MROH9: variants seen among roughly 807,000 people sequenced by gnomAD.
MROH9 encodes maestro heat-like repeat-containing protein family member 9.
MROH9 carries 92 observed loss-of-function variants against 98.2 expected under a neutral mutation model. That is an observed-to-expected ratio of 0.94 (90% CI 0.79 to 1.11). The LOEUF (loss-of-function observed/expected upper bound fraction) is 1.11. MROH9 is among the 50% of genes most tolerant of loss of function. The pLI is 0.00. For synonymous variants in MROH9, 397 were observed against 368.9 expected (o/e 1.08, Z -0.87); for missense variants, 1,057 against 1,014.8 (o/e 1.04, Z -0.57).
chr1:170,981,901 A>G (rs1039012272), intron 8 of MROH9, among the ~76,000 whole-genome samples: 2 of 152,196 alleles, frequency 1.3e-5, no homozygotes, highest in African/African-American at 2.4e-5. Context: ...AGATACCACT[A>G]CACACTCATT....
intron 20 of MROH9, among the ~76,000 whole-genome samples, chr1:171,044,436 G>T (rs1334913364): frequency 1.3e-5 from 2 of 152,098 alleles, no homozygotes; most frequent in Admixed American, 1.3e-4. Context: ...CTTCTGATGT[G>T]TATTTGTCTG....
intron 9 of MROH9, among the ~76,000 whole-genome samples, chr1:170,986,105 A>C (rs1278869696): frequency 6.6e-6 from 1 of 152,154 alleles, no homozygotes; most frequent in Non-Finnish European, 1.5e-5. Context: ...TAGTTCTTGC[A>C]CCTTGATCAT....
intron 7 of MROH9, among the ~76,000 whole-genome samples, chr1:170,966,034 A>C (rs1650224011): frequency 6.6e-6 from 1 of 152,048 alleles, no homozygotes; most frequent in African/African-American, 2.4e-5. Flanking sequence ...TTTCTGCTTC[A>C]AACAATACAA....
intron 4 of MROH9, among the ~76,000 whole-genome samples, chr1:170,958,821 T>C (rs1432256396): frequency 6.6e-6 from 1 of 152,212 alleles, no homozygotes; most frequent in African/African-American, 2.4e-5. Flanking sequence ...TTATCATTGA[T>C]TACAGAAAAT....
chr1:170,949,247 C>T (rs1649456244), intron 3 of MROH9, among the ~76,000 whole-genome samples: 1 of 152,044 alleles, frequency 6.6e-6, no homozygotes, highest in Admixed American at 6.6e-5. Flanking sequence ...TAAAAGCTCT[C>T]AGCTGCCAAC....
chr1:171,035,568 A>G (rs1247676700), intron 20 of MROH9, among the ~76,000 whole-genome samples: 1 of 152,090 alleles, frequency 6.6e-6, no homozygotes, highest in Non-Finnish European at 1.5e-5. Flanking sequence ...ATATATAAAG[A>G]ATTCATGTAA....
At chr1:171,033,024 A>G (rs1393025592) in intron 20 of MROH9, among the ~76,000 whole-genome samples, 1 of 152,182 alleles carries the variant, frequency 6.6e-6, no homozygotes, top group Non-Finnish European at 1.5e-5. Flanking sequence ...AAGGATGGGT[A>G]AGAGTCAGGC....
intron 14 of MROH9, among the ~76,000 whole-genome samples, chr1:170,996,921 T>G (rs1187156503): frequency 2.0e-5 from 3 of 152,112 alleles, no homozygotes; most frequent in African/African-American, 7.2e-5. Flanking sequence ...TACAGAAAAC[T>G]AGAAGTGAGT....
At chr1:171,016,067 C>A in intron 16 of MROH9, 96 bp from the exon 17 acceptor site, 1 of 819,598 alleles carries the variant, frequency 1.2e-6, no homozygotes, top group Non-Finnish European at 1.7e-6. Flanking sequence ...TTCCGCACAC[C>A]ATGATGTGCC....
intron 17 of MROH9, among the ~76,000 whole-genome samples, chr1:171,020,826 C>G (rs1175930511): frequency 6.6e-6 from 1 of 152,140 alleles, no homozygotes; most frequent in African/African-American, 2.4e-5. Flanking sequence ...GTCAAATTGT[C>G]TCTGTTTGTG....
At chr1:171,041,776 G>C (rs1444812305) in intron 20 of MROH9, among the ~76,000 whole-genome samples, 1 of 151,996 alleles carries the variant, frequency 6.6e-6, no homozygotes, top group East Asian at 1.9e-4. Context: ...ACTAGTGCAA[G>C]ATGGTATCTC....
intron 15 of MROH9, among the ~76,000 whole-genome samples, chr1:171,012,816 T>C (rs1354308378): frequency 3.3e-5 from 5 of 152,188 alleles, no homozygotes; most frequent in African/African-American, 1.2e-4. Flanking sequence ...ACTATCATTG[T>C]GTTTTTGAGA....
rs574741676 is a variant in MROH9 at position 170,967,247 on chromosome 1, C to G, written c.480+1992C>G. ...TTCTGCAATGTTCACTAAGTGCCAC[C>G]AGGTGGAAGTACTTCAGTATTTTCC... is the stretch of plus-strand genomic sequence containing the variant. On this transcript the variant is annotated intron_variant, in intron 7 of 21. Transcript: ENST00000367759. Among the ~76,000 whole-genome samples, 12 of 152,248 alleles carry G rather than the reference C, an allele frequency of 7.9e-5. 1 individual carries two copies. Among genetic ancestry groups the G allele is most frequent in the African/African-American group, 2.9e-4 (12 of 41,564 alleles).
At chr1:171,031,175 T>G (rs1325450062) in intron 20 of MROH9, among the ~76,000 whole-genome samples, 1 of 152,212 alleles carries the variant, frequency 6.6e-6, no homozygotes, top group Non-Finnish European at 1.5e-5. Context: ...AGCCTATGTG[T>G]GTCTTTGCAC....
rs189474271 is a variant in MROH9, at chr1:171,011,112, A to G, written c.1597-3005A>G. ...CTTCATGAGTCCTTAGTGGTTCTCA[A>G]AATGAGAGAATGAGAAGAGAGACAG... On this transcript the variant is annotated intron_variant, in intron 15 of 21. Coordinates refer to ENST00000367759, the MANE Select transcript of MROH9 (RefSeq NM_001163629.2). Among the ~76,000 whole-genome samples, 122 of 152,244 alleles carry G rather than the reference A, an allele frequency of 8.0e-4. 2 individuals carry two copies. Among genetic ancestry groups the G allele is most frequent in the Non-Finnish European group, 5.4e-4 (37 of 67,980 alleles).
intron 15 of MROH9, among the ~76,000 whole-genome samples, chr1:171,012,813 TTG>T (rs566866931): frequency 8.5e-5 from 13 of 152,294 alleles, no homozygotes; most frequent in Admixed American, 6.5e-4. Context: ...AAAACTATCA[TTG>T]TGTTTTTGAG....
At chr1:170,939,033 C>T (rs6695615) in intron 1 of MROH9, among the ~76,000 whole-genome samples, 14,789 of 152,214 alleles carry the variant, frequency 0.097, 1,154 homozygotes, top group African/African-American at 0.22. Flanking sequence ...CTAATTGGTA[C>T]CTACAGAATG....
intron 2 of MROH9, 41 bp downstream of exon 2, chr1:170,945,622 TTGTGTATATG>T (rs1163485079): frequency 6.3e-7 from 1 of 1,586,950 alleles, no homozygotes; most frequent in Non-Finnish European, 8.6e-7. Flanking sequence ...GAAGGTATTT[TTGTGTATATG>T]TGTGTGTATG....
intron 20 of MROH9, among the ~76,000 whole-genome samples, chr1:171,035,132 C>G (rs1052992394): frequency 6.6e-6 from 1 of 151,802 alleles, no homozygotes; most frequent in African/African-American, 2.4e-5. Flanking sequence ...CAAAATATTT[C>G]TAAAGACAAA....
Sources: allele counts gnomAD v4.1 joint callset (sites outside exome capture counted in the v4.1 genomes callset), GRCh38; gene constraint gnomAD v4.1.1; transcripts MANE v1.5; gene names NCBI Gene and HGNC (gene_info 2026-07-23, HGNC 2026-07-21).